The following TENM3 variants were observed in gnomAD, a reference collection of about 807,000 sequenced individuals.
TENM3 encodes teneurin-3.
In TENM3, 63 loss-of-function variants were observed where a neutral mutation model predicts 255.1. That is an observed-to-expected ratio of 0.25 (90% CI 0.20 to 0.30). The LOEUF is 0.30. Among genes scored for constraint, TENM3 ranks in the 10% least tolerant of loss-of-function variants. TENM3 has a pLI of 1.00. For missense variants in TENM3, 2,929 were observed against 3,461.1 expected (o/e 0.85, Z 3.86); for synonymous variants, 1,306 against 1,322.3 (o/e 0.99, Z 0.27).
chr4:182,145,048 A>T (rs1426457642), intron 1 of TENM3: 1 of 151,852 alleles, frequency 6.6e-6, no homozygotes, highest in Non-Finnish European at 1.5e-5. Flanking sequence ...GGGGTCCCTG[A>T]GGAAGGCAGT....
the TENM3 span, among the ~76,000 whole-genome samples, chr4:181,580,283 C>T: frequency 1.3e-5 from 2 of 152,062 alleles, no homozygotes; most frequent in African/African-American, 4.8e-5. Flanking sequence ...CAAACGTGAG[C>T]CACCGTGCAC....
chr4:182,065,301 C>T, the TENM3 span, among the ~76,000 whole-genome samples: 1 of 152,086 alleles, frequency 6.6e-6, no homozygotes, highest in Non-Finnish European at 1.5e-5. Flanking sequence ...ACCCACAGTG[C>T]TGGGATTACA....
the TENM3 span, among the ~76,000 whole-genome samples, chr4:182,135,109 G>A: frequency 6.7e-6 from 1 of 150,110 alleles, no homozygotes; most frequent in Non-Finnish European, 1.5e-5. Flanking sequence ...GGAAGGCTGA[G>A]GGAGGAGAAT....
At chr4:181,806,797 C>T in the TENM3 span, among the ~76,000 whole-genome samples, 1 of 152,246 alleles carries the variant, frequency 6.6e-6, no homozygotes, top group African/African-American at 2.4e-5. Flanking sequence ...TAAGATACCA[C>T]GTAATAGGAG....
chr4:182,117,889 A>T, the TENM3 span, among the ~76,000 whole-genome samples: 1 of 152,216 alleles, frequency 6.6e-6, no homozygotes, highest in Non-Finnish European at 1.5e-5. Context: ...AAGAACTGAC[A>T]TCTTGAAAAT....
chr4:181,962,580 A>G, the TENM3 span, among the ~76,000 whole-genome samples: 1 of 152,254 alleles, frequency 6.6e-6, no homozygotes, highest in African/African-American at 2.4e-5. Context: ...ATCCAGCTGT[A>G]TGGCTTAAGA....
chr4:182,495,886 CAG>C (rs937535392), intron 3 of TENM3, among the ~76,000 whole-genome samples: 11 of 152,096 alleles, frequency 7.2e-5, no homozygotes, highest in African/African-American at 2.4e-4. Flanking sequence ...ACATTAAACT[CAG>C]GGGTTAGCTG....
chr4:181,877,412 T>A, the TENM3 span, among the ~76,000 whole-genome samples: 2 of 152,212 alleles, frequency 1.3e-5, no homozygotes, highest in Non-Finnish European at 2.9e-5. Flanking sequence ...ATAGCTATAT[T>A]TTGTTTCATG....
chr4:182,281,529 G>T, intron 1 of TENM3, among the ~76,000 whole-genome samples: 1 of 151,590 alleles, frequency 6.6e-6, no homozygotes, highest in Middle Eastern at 3.4e-3. Context: ...GGTGGTGGTG[G>T]TTTTTTTTGA....
chr4:181,805,012 C>T, the TENM3 span, among the ~76,000 whole-genome samples: 1 of 152,158 alleles, frequency 6.6e-6, no homozygotes, highest in African/African-American at 2.4e-5. Context: ...TATGGGTCTT[C>T]ATAAGCATCT....
At chr4:181,699,892 G>T in the TENM3 span, among the ~76,000 whole-genome samples, 1 of 152,206 alleles carries the variant, frequency 6.6e-6, no homozygotes, top group South Asian at 2.1e-4. Context: ...GTCCTCAGAA[G>T]AGGACGTTTT....
the TENM3 span, among the ~76,000 whole-genome samples, chr4:182,081,274 G>A: frequency 6.6e-6 from 1 of 152,018 alleles, no homozygotes; most frequent in African/African-American, 2.4e-5. Context: ...GGCACCAAGT[G>A]CTTCAAAGAA....
chr4:182,721,242 G>C (rs76944326), intron 13 of TENM3, among the ~76,000 whole-genome samples: 2,618 of 152,254 alleles, frequency 0.017, 91 homozygotes, highest in South Asian at 0.14. Context: ...TCGTGGTACA[G>C]AGATACTACA....
chr4:181,966,417 T>G, the TENM3 span, among the ~76,000 whole-genome samples: 3 of 152,182 alleles, frequency 2.0e-5, no homozygotes, highest in African/African-American at 7.2e-5. Context: ...CTGCAGATTT[T>G]CTCTATTAGA....
rs192349343 is a variant in TENM3, at chr4:182,212,132, G to A, written c.-76+67378G>A. Reference sequence around the variant, plus strand: ...ATGGTTTATGAAGAGAAGAGTAAATGCATAGGGATTCCATTATCTCTTTCC... The same window carrying A: ...ATGGTTTATGAAGAGAAGAGTAAATACATAGGGATTCCATTATCTCTTTCC... On this transcript the variant is annotated intron_variant, in intron 1 of 2. Transcript: ENST00000512480. Among the ~76,000 whole-genome samples, 3 of 152,332 alleles carry A rather than the reference G, an allele frequency of 2.0e-5. No homozygotes were observed. The East Asian group carries it at 5.8e-4, about 29-fold the overall frequency.
the TENM3 span, among the ~76,000 whole-genome samples, chr4:181,926,186 G>A: frequency 1.3e-5 from 2 of 152,136 alleles, no homozygotes; most frequent in East Asian, 3.9e-4. Flanking sequence ...AATCCTTGCG[G>A]TTAGGCATTG....
chr4:181,672,607 A>C, the TENM3 span, among the ~76,000 whole-genome samples: 1 of 152,292 alleles, frequency 6.6e-6, no homozygotes, highest in East Asian at 1.9e-4. Flanking sequence ...TACTCAGATT[A>C]AAGGGGAGAC....
chr4:182,755,850 A>C (rs1402442742), intron 22 of TENM3, among the ~76,000 whole-genome samples: 1 of 152,194 alleles, frequency 6.6e-6, no homozygotes, highest in Non-Finnish European at 1.5e-5. Flanking sequence ...TCAAAAAAAA[A>C]AAGATACCTC....
At chr4:181,939,325 T>A in the TENM3 span, among the ~76,000 whole-genome samples, 1 of 152,208 alleles carries the variant, frequency 6.6e-6, no homozygotes, top group South Asian at 2.1e-4. Context: ...TTGAGTGTGC[T>A]CTAGAATCGG....
Sources: gnomAD v4.1 joint callset for allele counts (sites outside exome capture counted in the v4.1 genomes callset) on GRCh38, gnomAD v4.1.1 for gene constraint, MANE v1.5 for transcripts, NCBI Gene and HGNC (gene_info 2026-07-23, HGNC 2026-07-21) for gene names.